Variants in IQCH observed in about 807,000 individuals in gnomAD.
IQCH encodes IQ domain-containing protein H.
In IQCH, 98 loss-of-function variants were observed where a neutral mutation model predicts 117.0. That is an observed-to-expected ratio of 0.84 (90% CI 0.71 to 0.99). IQCH has a LOEUF of 0.99. Among genes scored for constraint, IQCH ranks in the 50% least tolerant of loss-of-function variants. The pLI is 0.00. For missense variants in IQCH, 1,102 were observed against 1,243.8 expected (o/e 0.89, Z 1.72); for synonymous variants, 412 against 448.2 (o/e 0.92, Z 1.02).
intron 16 of IQCH, among the ~76,000 whole-genome samples, chr15:67,460,396 G>T (rs945700825): frequency 6.6e-6 from 1 of 152,182 alleles, no homozygotes; most frequent in South Asian, 2.1e-4. Context: ...TGTTGCTTGT[G>T]TAACTTTCTA....
intron 4 of IQCH, among the ~76,000 whole-genome samples, chr15:67,309,825 A>AT (rs1222308892): frequency 6.6e-6 from 1 of 151,150 alleles, no homozygotes; most frequent in African/African-American, 2.4e-5. Context: ...CCTATCTGCT[A>AT]TTTTGCAGTT....
rs2083974711 is a variant in IQCH at position 67,501,304 on chromosome 15, C to T, written c.*558C>T. The T allele has an allele frequency of 6.6e-6, 1 of 151,990 alleles. No homozygotes were observed. The highest frequency in any genetic ancestry group is 2.4e-5 in the African/African-American group (1 of 41,374). 9.4% of individuals were successfully genotyped at this position (151,990 alleles called of 1,614,324 possible). A position where few individuals can be genotyped will look rare whatever the true frequency, so the allele number is the denominator to read the frequency against. ...TGTTATACCAAGCCACTATTGTCTG[C>T]TATTGTTGCCATTTTTCAAAAAGTA... is the stretch of plus-strand genomic sequence containing the variant. On this transcript the variant is annotated 3_prime_UTR_variant, in exon 21 of 21. Coordinates refer to ENST00000335894, the MANE Select transcript of IQCH (RefSeq NM_001031715.3). The surrounding 1 kb of genome is among the most constrained non-coding windows in gnomAD (Gnocchi z 5.2).
chr15:67,388,934 G>A lies in IQCH; in HGVS notation c.1560G>A (p.Gly520=), dbSNP rs1231079140. 18 of 1,613,990 alleles carry A rather than the reference G, an allele frequency of 1.1e-5. No homozygotes were observed. Among genetic ancestry groups the A allele is most frequent in the East Asian group, 2.2e-5 (1 of 44,874 alleles). Residue 520 remains glycine, a synonymous_variant, in exon 12 of 21, where the codon GGG becomes GGA. Coordinates refer to ENST00000335894, the MANE Select transcript of IQCH (RefSeq NM_001031715.3). The surrounding 1 kb of genome is among the most constrained non-coding windows in gnomAD (Gnocchi z 5.5). ...ILSLHAAVKS[G]NLEDRSDLQD... ...GTCTACATGCAGCCGTCAAATCTGG[G>A]AACCTTGAGGACAGAAGTGACCTGC...
intron 5 of IQCH, among the ~76,000 whole-genome samples, chr15:67,340,440 A>G (rs1321810184): frequency 1.5e-5 from 2 of 132,066 alleles, no homozygotes; most frequent in African/African-American, 5.5e-5. Flanking sequence ...AAAAAAAAAA[A>G]AAAAAAAAAA....
rs1056889849 is a variant in IQCH at position 67,405,903 on chromosome 15, C to T, written c.2097+5598C>T. 1 of 152,234 alleles carries T rather than the reference C, an allele frequency of 6.6e-6. No homozygotes were observed. Among genetic ancestry groups the T allele is most frequent in the Non-Finnish European group, 1.5e-5 (1 of 68,074 alleles). 9.4% of individuals were successfully genotyped at this position (152,234 alleles called of 1,614,324 possible). ...TCCTAGATAACAGAAGAGCTGGTCT[C>T]CTTTTCCCACAAGGCAGCAAACTGG... On this transcript the variant is annotated intron_variant, in intron 14 of 20. Transcript: ENST00000335894. The surrounding 1 kb of genome is among the most constrained non-coding windows in gnomAD (Gnocchi z 4.8).
At position 67,399,719 on chromosome 15, in the gene IQCH, T is replaced by C. The variant is rs753004845; in HGVS notation, c.1906-395T>C. On this transcript the variant is annotated intron_variant, in intron 13 of 20. Transcript: ENST00000335894. Reference sequence around the variant, plus strand: ...GTTAAAGTTTTCAAGACTGTAACTCTTTCTAGTCTTGAAACAATTAAAACA... The same window carrying C: ...GTTAAAGTTTTCAAGACTGTAACTCCTTCTAGTCTTGAAACAATTAAAACA... 4.9e-4 allele frequency among the ~76,000 whole-genome samples: 74 copies of C among 152,352 alleles called. No homozygotes were observed. The Middle Eastern group carries it at 0.017, about 35-fold the overall frequency.
Position 67,417,086 on chromosome 15 carries a change from G to A in IQCH, c.2218+35G>A. The stretch of plus-strand genomic sequence containing the variant: ...ACTGTAAAGTTTCTATTGAGGATTA[G>A]TCTACACAACCTTGGATTCTAGTTT... On this transcript the variant is annotated intron_variant, in intron 15 of 20. Transcript: ENST00000335894. The surrounding 1 kb of genome is among the most constrained non-coding windows in gnomAD (Gnocchi z 4.3). 1 of 1,566,352 alleles carries A rather than the reference G, an allele frequency of 6.4e-7. No homozygotes were observed. The highest frequency in any genetic ancestry group is 8.7e-7 in the Non-Finnish European group (1 of 1,155,978).
intron 8 of IQCH, among the ~76,000 whole-genome samples, chr15:67,368,000 A>G (rs1970395714): frequency 6.6e-6 from 1 of 152,188 alleles, no homozygotes; most frequent in African/African-American, 2.4e-5. Flanking sequence ...TAAAAACCAC[A>G]TTGACTAGGG....
In IQCH at chr15:67,453,520, G is replaced by A. The variant is rs2082584831; in HGVS notation, c.2506-11607G>A. Among the ~76,000 whole-genome samples, 1 of 152,208 alleles carries A rather than the reference G, an allele frequency of 6.6e-6. No individual in the cohort carries two copies. Among genetic ancestry groups the A allele is most frequent in the African/African-American group, 2.4e-5 (1 of 41,450 alleles). On this transcript the variant is annotated intron_variant, in intron 16 of 20. Coordinates refer to ENST00000335894, the MANE Select transcript of IQCH (RefSeq NM_001031715.3). The surrounding 1 kb of genome is among the most constrained non-coding windows in gnomAD (Gnocchi z 5.8). ...GACACTGTTTGCCTGGGTATCAGCA[G>A]CGGTGGCTGCAGAACAGTGGATTTT...
rs996995527 is a variant in IQCH, at chr15:67,436,819, G to A, written c.2505+15242G>A. 6.6e-6 allele frequency among the ~76,000 whole-genome samples: 1 copy of A among 152,014 alleles called. No homozygotes were observed. Among genetic ancestry groups the A allele is most frequent in the South Asian group, 2.1e-4 (1 of 4,820 alleles). ...TGACAACCTGCATGACTCAGCAGAG[G>A]CAGCCATAATCCTCCTAGGTACACA... On this transcript the variant is annotated intron_variant, in intron 16 of 20. Coordinates refer to ENST00000335894, the MANE Select transcript of IQCH (RefSeq NM_001031715.3). This position sits in a 1 kb window ranked among gnomAD's most constrained non-coding sequence, Gnocchi z 5.1.
At chr15:67,343,161 CA>C (rs1270445569) in intron 5 of IQCH, among the ~76,000 whole-genome samples, 1 of 152,022 alleles carries the variant, frequency 6.6e-6, no homozygotes, top group Admixed American at 6.6e-5. Context: ...TAGAAGGGAC[CA>C]AGTTGTGTGC....
intron 14 of IQCH, among the ~76,000 whole-genome samples, chr15:67,410,842 C>G (rs1220315495): frequency 6.6e-6 from 1 of 152,196 alleles, no homozygotes; most frequent in Non-Finnish European, 1.5e-5. Flanking sequence ...ATGATATAAT[C>G]CAGCCCAGAC....
chr15:67,306,016 A>G (rs1275470212), intron 4 of IQCH, among the ~76,000 whole-genome samples: 1 of 151,836 alleles, frequency 6.6e-6, no homozygotes, highest in Non-Finnish European at 1.5e-5. Flanking sequence ...ATCAAACTTG[A>G]TGCCATAAAA....
In IQCH at chr15:67,424,397, G is replaced by A. The variant is rs1020738483; in HGVS notation, c.2505+2820G>A. Among the ~76,000 whole-genome samples, 2 of 152,182 alleles carry A rather than the reference G, an allele frequency of 1.3e-5. No individual in the cohort carries two copies. The highest frequency in any genetic ancestry group is 4.8e-5 in the African/African-American group (2 of 41,436). On this transcript the variant is annotated intron_variant, in intron 16 of 20. Transcript: ENST00000335894. This position sits in a 1 kb window ranked among gnomAD's most constrained non-coding sequence, Gnocchi z 4.9. ...TTTTCATATCATTGTGTAGCTGTGT[G>A]TGAGCATTCCTCGTACCACTTATCT... is the stretch of plus-strand genomic sequence containing the variant.
Position 67,475,893 on chromosome 15 carries a change from GC to G in IQCH, c.2799+79del, listed in dbSNP as rs2083190442. 1 of 1,326,326 alleles carries G rather than the reference GC, an allele frequency of 7.5e-7. No individual in the cohort carries two copies. The highest frequency in any genetic ancestry group is 1.5e-5 in the African/African-American group (1 of 68,838). 82.2% of individuals were successfully genotyped at this position (1,326,326 alleles called of 1,614,324 possible). On this transcript the variant is annotated intron_variant, in intron 18 of 20. Transcript: ENST00000335894. This position sits in a 1 kb window ranked among gnomAD's most constrained non-coding sequence, Gnocchi z 5.7. ...TGATCTAGGTAGCTAATAATTTGGT[GC>G]CCCTTCAGATAGATATTCTTTAAAT...
rs1028084028 is a variant in IQCH, at chr15:67,304,292, C to T, written c.387+24780C>T. 4 of 906,900 alleles carry T rather than the reference C, an allele frequency of 4.4e-6. No individual in the cohort carries two copies. In the African/African-American group the frequency reaches 6.7e-5, roughly 15 times the overall value. The allele number at this position is 906,900 out of a possible 1,614,324, so 56.2% of individuals were successfully genotyped here. A position where few individuals can be genotyped will look rare whatever the true frequency, so the allele number is the denominator to read the frequency against. On this transcript the variant is annotated intron_variant, in intron 4 of 20. Transcript: ENST00000335894. ...TTTGAGGATATAAAATGTTAGTAAGCATTTTTGTTCATCCAGCATGAAAGT... is the reference window on the plus strand; with the variant it reads ...TTTGAGGATATAAAATGTTAGTAAGTATTTTTGTTCATCCAGCATGAAAGT...
Position 67,279,383 on chromosome 15 carries a change from C to A in IQCH, c.270-12C>A. ...GCAAATTTGATTTTAAATTCCATTT[C>A]TTCTTACTTAGGTTACTTCCAACTG... On this transcript the variant is annotated splice_polypyrimidine_tract_variant and intron_variant, in intron 3 of 20. Coordinates refer to ENST00000335894, the MANE Select transcript of IQCH (RefSeq NM_001031715.3). 7.3e-7 allele frequency: 1 copy of A among 1,374,462 alleles called. No individual in the cohort carries two copies. The allele number at this position is 1,374,462 out of a possible 1,614,324, so 85.1% of individuals were successfully genotyped here.
chr15:67,409,994 C>T (rs2081406763), intron 14 of IQCH, among the ~76,000 whole-genome samples: 2 of 152,142 alleles, frequency 1.3e-5, no homozygotes, highest in South Asian at 4.1e-4. Flanking sequence ...ATTTTTTCTT[C>T]ATCCTCTCAG....
At chr15:67,308,623 T>G (rs1009775800) in intron 4 of IQCH, among the ~76,000 whole-genome samples, 1 of 152,118 alleles carries the variant, frequency 6.6e-6, no homozygotes, top group Non-Finnish European at 1.5e-5. Context: ...GGAGTGACTT[T>G]TCATGTCCTT....
Sources: allele counts gnomAD v4.1 joint callset (sites outside exome capture counted in the v4.1 genomes callset), GRCh38; gene constraint gnomAD v4.1.1; non-coding constraint Gnocchi (gnomAD v3.1); transcripts MANE v1.5; gene names NCBI Gene and HGNC (gene_info 2026-07-23, HGNC 2026-07-21).